The following KCNMB3 variants were observed in gnomAD, a reference collection of about 807,000 sequenced individuals.
The protein encoded by KCNMB3 is potassium calcium-activated channel subfamily M regulatory beta subunit 3, also known as calcium-activated potassium channel subunit beta-3.
A neutral mutation model predicts 11.9 loss-of-function variants in KCNMB3; 18 were observed. The observed-to-expected ratio is 1.51, with a 90% CI of 1.04 to 2.23. The LOEUF (loss-of-function observed/expected upper bound fraction) is 2.23, where lower values mean the gene tolerates loss of function less well. KCNMB3 is among the 30% of genes most tolerant of loss of function. The pLI is 0.00. For missense variants in KCNMB3, 247 were observed against 329.4 expected (o/e 0.75, Z 1.94); for synonymous variants, 78 against 119.2 (o/e 0.65, Z 2.25).
chr3:179,256,056 T>A (rs1193080721), upstream of KCNMB3, among the ~76,000 whole-genome samples: 8 of 152,202 alleles, frequency 5.3e-5, no homozygotes, highest in African/African-American at 1.9e-4. Flanking sequence ...AAGTATTTAC[T>A]CAAGGCAGAA....
chr3:179,266,523 A>G, intron 1 of KCNMB3: 1 of 1,081,116 alleles, frequency 9.2e-7, no homozygotes, highest in Non-Finnish European at 1.3e-6. Flanking sequence ...CCTGGGAGGC[A>G]TGGCAAGTGG....
In KCNMB3 at chr3:179,251,044, C is replaced by T. The variant is rs760056658; in HGVS notation, c.-54G>A. The T allele has an allele frequency of 6.2e-6, 10 of 1,614,148 alleles. No homozygotes were observed. Among genetic ancestry groups the T allele is most frequent in the South Asian group, 1.1e-5 (1 of 91,080 alleles). ...TCTCATTTGCTGCCTACCTGTGTCTCGTGAGCAGGATGAATGCAACAAAAT... is the reference window on the plus strand; with the variant it reads ...TCTCATTTGCTGCCTACCTGTGTCTTGTGAGCAGGATGAATGCAACAAAAT... On this transcript the variant is annotated 5_prime_UTR_variant, in exon 1 of 3. Coordinates refer to ENST00000392685, the MANE Select transcript of KCNMB3 (RefSeq NM_171830.2).
chr3:179,261,784 T>C (rs1273621036), intron 1 of KCNMB3, among the ~76,000 whole-genome samples: 1 of 151,602 alleles, frequency 6.6e-6, no homozygotes, highest in East Asian at 1.9e-4. Flanking sequence ...CTCTGAAGTT[T>C]TCAACTTACA....
upstream of KCNMB3, among the ~76,000 whole-genome samples, chr3:179,256,573 T>C (rs1034626700): frequency 1.3e-5 from 2 of 152,144 alleles, no homozygotes; most frequent in African/African-American, 4.8e-5. Flanking sequence ...AGTGATAATT[T>C]TTCCATGGGG....
intron 1 of KCNMB3, chr3:179,260,446 C>A (rs981347789): frequency 1.1e-5 from 18 of 1,613,616 alleles, no homozygotes; most frequent in Non-Finnish European, 1.5e-5. Flanking sequence ...TCCACACAAT[C>A]CTTCACTGTG....
Position 179,242,778 on chromosome 3 carries a change from C to A in KCNMB3, c.*126G>T. The A allele has an allele frequency of 2.9e-6, 4 of 1,366,238 alleles. No individual in the cohort carries two copies. Among genetic ancestry groups the A allele is most frequent in the Admixed American group, 2.8e-5 (1 of 36,176 alleles). The allele number at this position is 1,366,238 out of a possible 1,614,324, so 84.6% of individuals were successfully genotyped here. A position where few individuals can be genotyped will look rare whatever the true frequency, so the allele number is the denominator to read the frequency against. ...CAAAATGAGGCTTTTAAATTTTTTC[C>A]CACATGAAAATATGATACTTTAATT... On this transcript the variant is annotated 3_prime_UTR_variant, in exon 3 of 3. Coordinates refer to ENST00000392685, the MANE Select transcript of KCNMB3 (RefSeq NM_171830.2).
upstream of KCNMB3, among the ~76,000 whole-genome samples, chr3:179,254,967 C>T (rs891881185): frequency 7.9e-5 from 12 of 152,002 alleles, no homozygotes; most frequent in African/African-American, 2.9e-4. Flanking sequence ...GAGTTTGAGA[C>T]GAGCCCGGCC....
exon 1 of KCNMB3, chr3:179,266,891 T>C (rs7646600): frequency 0.18 from 262,948 of 1,423,016 alleles, 30,121 homozygotes; most frequent in African/African-American, 0.54. Flanking sequence ...TCAGGCAGGC[T>C]AGCCACGTGG....
intron 2 of KCNMB3, among the ~76,000 whole-genome samples, chr3:179,244,199 T>C (rs1725557571): frequency 1.3e-5 from 2 of 152,190 alleles, no homozygotes; most frequent in Non-Finnish European, 2.9e-5. Flanking sequence ...ATATGTCATA[T>C]GGCGCGGAGT....
Position 179,242,831 on chromosome 3 carries a change from A to G in KCNMB3, c.*73T>C, listed in dbSNP as rs1725497707. On this transcript the variant is annotated 3_prime_UTR_variant, in exon 3 of 3. Coordinates refer to ENST00000392685, the MANE Select transcript of KCNMB3 (RefSeq NM_171830.2). ...TACCTTTTACATTATTAGTTTGCAG[A>G]CAGGCATAATTAGGTCCTCAGTTGC... The G allele has an allele frequency of 2.0e-6, 3 of 1,489,900 alleles. No homozygotes were observed. The highest frequency in any genetic ancestry group is 4.6e-5 in the East Asian group (2 of 43,342). The allele number at this position is 1,489,900 out of a possible 1,614,324, so 92.3% of individuals were successfully genotyped here. A position where few individuals can be genotyped will look rare whatever the true frequency, so the allele number is the denominator to read the frequency against.
At chr3:179,261,379 G>A (rs1373689798) in intron 1 of KCNMB3, 18 of 1,113,228 alleles carry the variant, frequency 1.6e-5, no homozygotes, top group Non-Finnish European at 1.9e-5. Flanking sequence ...CCGCGGAGAC[G>A]GAGCCACTCG....
At chr3:179,253,146 T>G (rs1244846024), upstream of KCNMB3, among the ~76,000 whole-genome samples, 1 of 152,224 alleles carries the variant, frequency 6.6e-6, no homozygotes, top group Non-Finnish European at 1.5e-5. Flanking sequence ...TTTTCCCTTG[T>G]GCTCTAAAGC....
At chr3:179,258,471 CA>C (rs1726095878) in intron 1 of KCNMB3, among the ~76,000 whole-genome samples, 2 of 152,146 alleles carry the variant, frequency 1.3e-5, no homozygotes, top group Non-Finnish European at 2.9e-5. Flanking sequence ...TTCTAAGGTG[CA>C]AATCTTTTCA....
intron 1 of KCNMB3, among the ~76,000 whole-genome samples, chr3:179,263,484 C>T (rs1726285825): frequency 6.6e-6 from 1 of 152,136 alleles, no homozygotes; most frequent in African/African-American, 2.4e-5. Context: ...GCGCCAAGGC[C>T]GAGGAGGCGC....
chr3:179,242,518 A>G (rs922536354), downstream of KCNMB3: 5 of 155,138 alleles, frequency 3.2e-5, no homozygotes, highest in African/African-American at 1.2e-4. Flanking sequence ...GAAATATTTT[A>G]GTATGACTAT....
At chr3:179,259,170 G>C in intron 1 of KCNMB3, 1 of 1,561,380 alleles carries the variant, frequency 6.4e-7, no homozygotes, top group South Asian at 1.3e-5. Context: ...TTTCCTGATG[G>C]TCTGACTTGG....
At chr3:179,256,470 T>C (rs950175327), upstream of KCNMB3, among the ~76,000 whole-genome samples, 3 of 151,844 alleles carry the variant, frequency 2.0e-5, no homozygotes, top group Non-Finnish European at 4.4e-5. Context: ...TACAAAATAA[T>C]AATAATAGTA....
At position 179,251,053 on chromosome 3, in the gene KCNMB3, G is replaced by T; in HGVS notation, c.-63C>A. The T allele has an allele frequency of 6.2e-7, 1 of 1,614,184 alleles. No individual in the cohort carries two copies. The highest frequency in any genetic ancestry group is 1.1e-5 in the South Asian group (1 of 91,086). Reference sequence around the variant, plus strand: ...CTGCCTACCTGTGTCTCGTGAGCAGGATGAATGCAACAAAATGAAATCCCA... The same window carrying T: ...CTGCCTACCTGTGTCTCGTGAGCAGTATGAATGCAACAAAATGAAATCCCA... On this transcript the variant is annotated 5_prime_UTR_variant, in exon 1 of 3. Transcript: ENST00000392685.
At chr3:179,239,980 T>C (rs1482512600), downstream of KCNMB3, 4 of 1,514,766 alleles carry the variant, frequency 2.6e-6, no homozygotes, top group Middle Eastern at 4.6e-4. Flanking sequence ...GCAAGAAGTT[T>C]GGCCTGTGAC....
Sources: gnomAD v4.1 joint callset for allele counts (sites outside exome capture counted in the v4.1 genomes callset) on GRCh38, gnomAD v4.1.1 for gene constraint, MANE v1.5 for transcripts, NCBI Gene and HGNC (gene_info 2026-07-23, HGNC 2026-07-21) for gene names.